The following SLC6A6 variants were observed in gnomAD, a reference collection of about 807,000 sequenced individuals.
SLC6A6 encodes the protein solute carrier family 6 member 6.
Under a neutral mutation model 68.8 loss-of-function variants are expected in SLC6A6, and 16 were observed. That is an observed-to-expected ratio of 0.23 (90% confidence interval 0.16 to 0.35). SLC6A6 has a LOEUF of 0.35. Among genes scored for constraint, SLC6A6 ranks in the 10% least tolerant of loss-of-function variants. The pLI, the probability that SLC6A6 is intolerant of heterozygous loss-of-function variation, is 1.00. For synonymous variants in SLC6A6, 312 were observed against 315.4 expected (o/e 0.99, Z 0.12); for missense variants, 474 against 802.8 (o/e 0.59, Z 4.95).
intron 4 of SLC6A6, among the ~76,000 whole-genome samples, chr3:14,446,497 C>G (rs1196857496): frequency 6.6e-6 from 1 of 152,098 alleles, no homozygotes; most frequent in African/African-American, 2.4e-5. Flanking sequence ...AAGTGCAAAC[C>G]TCAGTTTCAT....
At chr3:14,484,246 A>G (rs1701082726) in intron 14 of SLC6A6, among the ~76,000 whole-genome samples, 1 of 152,156 alleles carries the variant, frequency 6.6e-6, no homozygotes, top group Non-Finnish European at 1.5e-5. Context: ...GTGATCTAGA[A>G]TTCCCATGCA....
At chr3:14,438,348 C>T (rs896755984) in intron 2 of SLC6A6, among the ~76,000 whole-genome samples, 7 of 152,026 alleles carry the variant, frequency 4.6e-5, no homozygotes, top group African/African-American at 1.5e-4. Context: ...AGTGAGGAAG[C>T]GGAGGCACAG....
chr3:14,453,028 C>A lies in SLC6A6; in HGVS notation c.600-4922C>A, dbSNP rs570864441. 1.1e-4 allele frequency among the ~76,000 whole-genome samples: 16 copies of A among 152,364 alleles called. No homozygotes were observed. The South Asian group carries it at 3.3e-3, about 32-fold the overall frequency. ...AACAAGGCCTGCTCAGCCAATCTTCCCCTGCAGCTGTCGGAAAGAGGAGGC... is the reference window on the plus strand; with the variant it reads ...AACAAGGCCTGCTCAGCCAATCTTCACCTGCAGCTGTCGGAAAGAGGAGGC... On this transcript the variant is annotated intron_variant, in intron 5 of 14. Coordinates refer to ENST00000622186, the MANE Select transcript of SLC6A6 (RefSeq NM_003043.6).
chr3:14,402,790 C>A lies in SLC6A6; in HGVS notation c.-111C>A. On this transcript the variant is annotated 5_prime_UTR_variant, in exon 1 of 15. Coordinates refer to ENST00000622186, the MANE Select transcript of SLC6A6 (RefSeq NM_003043.6). This position sits in a 1 kb window ranked among gnomAD's most constrained non-coding sequence, Gnocchi z 4.8. The stretch of plus-strand genomic sequence containing the variant: ...AGAGAGCGAGCGGGCAGGCAGCCCC[C>A]GGCCGGCGGAACCCGGCACAGCCGA... 2.5e-6 allele frequency: 1 copy of A among 398,032 alleles called. No homozygotes were observed. The highest frequency in any genetic ancestry group is 4.4e-6 in the Non-Finnish European group (1 of 225,662). The allele number at this position is 398,032 out of a possible 1,614,324, so 24.7% of individuals were successfully genotyped here. A position where few individuals can be genotyped will look rare whatever the true frequency, so the allele number is the denominator to read the frequency against.
intron 1 of SLC6A6, among the ~76,000 whole-genome samples, chr3:14,414,037 C>T (rs1699310462): frequency 6.6e-6 from 1 of 152,114 alleles, no homozygotes. Context: ...AGAACATTTA[C>T]TGACTCTTTT....
chr3:14,483,203 G>C (rs926401654), intron 14 of SLC6A6, among the ~76,000 whole-genome samples: 1 of 152,170 alleles, frequency 6.6e-6, no homozygotes, highest in African/African-American at 2.4e-5. Context: ...GGAAAGAGGT[G>C]GGGGAGTGGG....
chr3:14,437,372 C>T (rs1260302862), intron 2 of SLC6A6, among the ~76,000 whole-genome samples: 1 of 152,116 alleles, frequency 6.6e-6, no homozygotes, highest in South Asian at 2.1e-4. Context: ...ACCCTCCCAC[C>T]TCAGCCTCCC....
At chr3:14,422,857 G>A (rs181128955) in intron 2 of SLC6A6, among the ~76,000 whole-genome samples, 26 of 152,304 alleles carry the variant, frequency 1.7e-4, no homozygotes, top group Middle Eastern at 3.4e-3. Flanking sequence ...TATATTTTCT[G>A]GGTTGAGTTT....
At position 14,424,530 on chromosome 3, in the gene SLC6A6, A is replaced by G. The variant is rs562907465; in HGVS notation, c.-12+8077A>G. Among the ~76,000 whole-genome samples the G allele has an allele frequency of 4.0e-4, 58 of 145,256 alleles. 1 individual carries two copies. In the South Asian group the frequency reaches 0.013, roughly 33 times the overall value. On this transcript the variant is annotated intron_variant, in intron 2 of 14. Transcript: ENST00000622186. Reference sequence around the variant, plus strand: ...TGGCTGGGGTGTCCTGCTCTGGGCAATGGGGAGGGGAGAGGAGCTGCCTGG... The same window carrying G: ...TGGCTGGGGTGTCCTGCTCTGGGCAGTGGGGAGGGGAGAGGAGCTGCCTGG...
At chr3:14,444,214 T>A (rs1347212168) in intron 3 of SLC6A6, 1 of 240,708 alleles carries the variant, frequency 4.2e-6, no homozygotes, top group African/African-American at 2.2e-5. Flanking sequence ...CCGCCATATC[T>A]ACTTGCCTCT....
intron 10 of SLC6A6, among the ~76,000 whole-genome samples, chr3:14,473,461 C>G (rs1474960329): frequency 1.3e-5 from 2 of 152,104 alleles, no homozygotes; most frequent in Non-Finnish European, 2.9e-5. Context: ...GGCGGGAGAA[C>G]CCTTTGTCCC....
rs1700411747 is a variant in SLC6A6, at chr3:14,458,101, C to T, written c.732+19C>T. ...TGGGAAGGTAAGTTGGACTTCTGTCCGTCCCCTGCCTCCTGGAGAGCTGTG... is the reference window on the plus strand; with the variant it reads ...TGGGAAGGTAAGTTGGACTTCTGTCTGTCCCCTGCCTCCTGGAGAGCTGTG... On this transcript the variant is annotated intron_variant, in intron 6 of 14. Coordinates refer to ENST00000622186, the MANE Select transcript of SLC6A6 (RefSeq NM_003043.6). 2.5e-6 allele frequency: 4 copies of T among 1,611,052 alleles called. No homozygotes were observed. The highest frequency in any genetic ancestry group is 2.2e-5 in the East Asian group (1 of 44,866).
In SLC6A6 at chr3:14,481,937, C is replaced by A; in HGVS notation, c.1722+96C>A. 1.0e-6 allele frequency: 1 copy of A among 982,194 alleles called. No homozygotes were observed. The highest frequency in any genetic ancestry group is 1.5e-6 in the Non-Finnish European group (1 of 649,344). 60.8% of individuals were successfully genotyped at this position (982,194 alleles called of 1,614,324 possible). On this transcript the variant is annotated intron_variant, in intron 14 of 14. Coordinates refer to ENST00000622186, the MANE Select transcript of SLC6A6 (RefSeq NM_003043.6). The surrounding 1 kb of genome is among the most constrained non-coding windows in gnomAD (Gnocchi z 4.7). ...GCGTGATCTCAGGCAAGTCACCTGC[C>A]CTCTCTGAGCCATAGTTCCCTCACC...
intron 5 of SLC6A6, among the ~76,000 whole-genome samples, chr3:14,456,193 G>A (rs1384064502): frequency 6.6e-6 from 1 of 152,244 alleles, no homozygotes; most frequent in Non-Finnish European, 1.5e-5. Context: ...GCCTTGGAAA[G>A]CAGGTGGTTG....
At chr3:14,419,076 C>CTGT (rs1018075631) in intron 2 of SLC6A6, among the ~76,000 whole-genome samples, 7 of 152,224 alleles carry the variant, frequency 4.6e-5, no homozygotes, top group Non-Finnish European at 1.5e-5. Flanking sequence ...CTGGGATGGG[C>CTGT]TGTTACAGGC....
At chr3:14,426,955 C>G (rs897125959) in intron 2 of SLC6A6, among the ~76,000 whole-genome samples, 1 of 152,124 alleles carries the variant, frequency 6.6e-6, no homozygotes, top group African/African-American at 2.4e-5. Flanking sequence ...AAAGGAACCC[C>G]TCTCTGGCTT....
chr3:14,481,868 G>C lies in SLC6A6; in HGVS notation c.1722+27G>C, dbSNP rs774411246. 6.2e-7 allele frequency: 1 copy of C among 1,602,688 alleles called. No homozygotes were observed. The highest frequency in any genetic ancestry group is 1.7e-5 in the Admixed American group (1 of 58,848). On this transcript the variant is annotated intron_variant, in intron 14 of 14. Transcript: ENST00000622186. The surrounding 1 kb of genome is among the most constrained non-coding windows in gnomAD (Gnocchi z 4.7). ...TAAGTGCTTGGGCCCAGGGCCAGGG[G>C]AGGTGGGAGGCGCGAGGCCAAAGGT...
intron 2 of SLC6A6, among the ~76,000 whole-genome samples, chr3:14,421,778 C>T (rs1699491018): frequency 6.6e-6 from 1 of 152,182 alleles, no homozygotes; most frequent in Admixed American, 6.5e-5. Flanking sequence ...AACTGGAAGT[C>T]AGCCACGTGT....
chr3:14,464,802 T>C (rs1174313786), intron 6 of SLC6A6, among the ~76,000 whole-genome samples: 2 of 152,234 alleles, frequency 1.3e-5, no homozygotes, highest in Non-Finnish European at 2.9e-5. Flanking sequence ...GTGCATTGAC[T>C]GTGCAGTGGT....
Sources: allele counts gnomAD v4.1 joint callset (sites outside exome capture counted in the v4.1 genomes callset), GRCh38; gene constraint gnomAD v4.1.1; non-coding constraint Gnocchi (gnomAD v3.1); transcripts MANE v1.5; gene names NCBI Gene and HGNC (gene_info 2026-07-23, HGNC 2026-07-21).